MAP3K7CL: variants seen among roughly 807,000 people sequenced by gnomAD.
The protein encoded by MAP3K7CL is MAP3K7 C-terminal-like protein.
MAP3K7CL carries 16 observed loss-of-function variants against 18.6 expected under a neutral mutation model. That is an observed-to-expected ratio of 0.86 (90% CI 0.58 to 1.31). MAP3K7CL has a LOEUF of 1.31. Ranked by LOEUF, MAP3K7CL falls within the 50% of genes most tolerant of loss-of-function variation. The pLI is 0.00. For synonymous variants in MAP3K7CL, 65 were observed against 66.8 expected (o/e 0.97, Z 0.13); for missense variants, 163 against 174.4 (o/e 0.93, Z 0.37).
chr21:29,129,919 C>G (rs1195589183), upstream of MAP3K7CL, among the ~76,000 whole-genome samples: 2 of 152,144 alleles, frequency 1.3e-5, no homozygotes, highest in Non-Finnish European at 2.9e-5. Flanking sequence ...TGTTGATCAT[C>G]TTTTCATATG....
chr21:29,143,273 G>A (rs576986283), intron 2 of MAP3K7CL, among the ~76,000 whole-genome samples: 5 of 152,170 alleles, frequency 3.3e-5, no homozygotes, highest in South Asian at 2.1e-4. Flanking sequence ...GAAGCCAGCT[G>A]TAACTGCAGG....
At chr21:29,109,182 A>T in intron 4 of MAP3K7CL, 2 of 1,535,412 alleles carry the variant, frequency 1.3e-6, no homozygotes, top group Non-Finnish European at 1.7e-6. Flanking sequence ...TGCGGACTGC[A>T]GGTATGGACA....
chr21:29,109,076 A>G (rs2086374142), intron 4 of MAP3K7CL: 2 of 1,535,182 alleles, frequency 1.3e-6, no homozygotes, highest in Admixed American at 3.9e-5. Context: ...CTATCAGAGA[A>G]ACCTTGTTCA....
intron 4 of MAP3K7CL, 28 bp downstream of exon 4, chr21:29,160,084 T>C (rs376139712): frequency 3.2e-6 from 5 of 1,568,708 alleles, no homozygotes; most frequent in Non-Finnish European, 4.4e-6. Context: ...TCACTCTACA[T>C]CTGAGCACTG....
At chr21:29,141,462 G>A (rs1348976670) in intron 2 of MAP3K7CL, among the ~76,000 whole-genome samples, 4 of 151,242 alleles carry the variant, frequency 2.6e-5, no homozygotes. Context: ...GCAGAGAGCC[G>A]AGATTGAGTC....
chr21:29,155,546 C>A (rs2087381559), intron 3 of MAP3K7CL, among the ~76,000 whole-genome samples: 1 of 152,100 alleles, frequency 6.6e-6, no homozygotes, highest in South Asian at 2.1e-4. Context: ...CCGGCAAGCT[C>A]AGGCAGAGAG....
At chr21:29,089,794 G>GAGGA (rs201860654) in intron 1 of MAP3K7CL, among the ~76,000 whole-genome samples, 24 of 150,306 alleles carry the variant, frequency 1.6e-4, no homozygotes, top group South Asian at 6.4e-4. Flanking sequence ...CAAGAAAAAA[G>GAGGA]AGGAAGGAAG....
rs572827218 is a variant in MAP3K7CL, at chr21:29,139,072, T to C, written c.70+5658T>C. ...TTTTGGTACTCCGGAACCCATACCA[T>C]TGGTGTCACTTTTAAATAATACAGT... On this transcript the variant is annotated intron_variant, in intron 2 of 4. Transcript: ENST00000399928. 5.3e-5 allele frequency among the ~76,000 whole-genome samples: 8 copies of C among 152,206 alleles called. No individual in the cohort carries two copies. The South Asian group carries it at 1.4e-3, about 28-fold the overall frequency.
In MAP3K7CL at chr21:29,108,990, G is replaced by A. The variant is rs757791296; in HGVS notation, c.370+16409G>A. On this transcript the variant is annotated intron_variant, in intron 4 of 6. Transcript: ENST00000286791. Reference sequence around the variant, plus strand: ...TCAACTTGAATCTGAATTCAATGTCGGCTGGACCCAAATAATTTTCTAGAA... The same window carrying A: ...TCAACTTGAATCTGAATTCAATGTCAGCTGGACCCAAATAATTTTCTAGAA... 664 of 1,442,670 alleles carry A rather than the reference G, an allele frequency of 4.6e-4. 1 individual carries two copies. Among genetic ancestry groups the A allele is most frequent in the Non-Finnish European group, 5.4e-4 (587 of 1,080,236 alleles). 89.4% of individuals were successfully genotyped at this position (1,442,670 alleles called of 1,614,324 possible).
At chr21:29,116,161 C>T (rs2086501932) in intron 4 of MAP3K7CL, among the ~76,000 whole-genome samples, 3 of 152,052 alleles carry the variant, frequency 2.0e-5, no homozygotes, top group South Asian at 2.1e-4. Flanking sequence ...TGTTTTTATT[C>T]GTTATTTCTA....
intron 4 of MAP3K7CL, among the ~76,000 whole-genome samples, chr21:29,162,381 T>TTAAAAAAAA (rs1466529389): frequency 1.8e-4 from 28 of 151,690 alleles, no homozygotes; most frequent in African/African-American, 6.5e-4. Flanking sequence ...TTATGTTGCA[T>TTAAAAAAAA]TAAAAAAAAT....
At chr21:29,157,935 T>G (rs1371806763) in intron 3 of MAP3K7CL, among the ~76,000 whole-genome samples, 1 of 152,260 alleles carries the variant, frequency 6.6e-6, no homozygotes, top group Admixed American at 6.5e-5. Context: ...GAATCCTTTA[T>G]GTAGAGTTCT....
upstream of MAP3K7CL, among the ~76,000 whole-genome samples, chr21:29,083,990 TAC>T (rs2085882271): frequency 2.0e-5 from 3 of 147,824 alleles, no homozygotes; most frequent in African/African-American, 7.4e-5. Context: ...AACATATGTA[TAC>T]ACACATGTAT....
At chr21:29,148,573 C>G (rs754469921) in intron 2 of MAP3K7CL, among the ~76,000 whole-genome samples, 1 of 152,188 alleles carries the variant, frequency 6.6e-6, no homozygotes. Flanking sequence ...ACTCTCTGGG[C>G]TCTGGCGCTC....
intron 4 of MAP3K7CL, among the ~76,000 whole-genome samples, chr21:29,099,261 A>ATATT (rs2086177774): frequency 2.4e-5 from 2 of 83,028 alleles, no homozygotes; most frequent in African/African-American, 1.1e-4. Flanking sequence ...CAGCTAATTG[A>ATATT]TTTTTTTTTT....
chr21:29,165,940 A>C (rs2087675970), intron 4 of MAP3K7CL, among the ~76,000 whole-genome samples: 1 of 152,246 alleles, frequency 6.6e-6, no homozygotes. Flanking sequence ...ACATGGACAC[A>C]TTGTGTAATG....
chr21:29,079,788 G>T (rs2085806407), intron 1 of MAP3K7CL, among the ~76,000 whole-genome samples: 1 of 152,184 alleles, frequency 6.6e-6, no homozygotes, highest in South Asian at 2.1e-4. Context: ...AGGCTGTACT[G>T]GAGTGAGTAG....
intron 4 of MAP3K7CL, among the ~76,000 whole-genome samples, chr21:29,110,886 T>C (rs1488524045): frequency 1.3e-5 from 2 of 152,216 alleles, no homozygotes; most frequent in Admixed American, 1.3e-4. Flanking sequence ...TCTGAACGTA[T>C]ATATTTTAAA....
At chr21:29,149,957 C>G (rs1265438309) in intron 3 of MAP3K7CL, among the ~76,000 whole-genome samples, 2 of 152,196 alleles carry the variant, frequency 1.3e-5, no homozygotes, top group Non-Finnish European at 2.9e-5. Flanking sequence ...CACTTGAATA[C>G]TTAACTTTGT....
Sources: gnomAD v4.1 joint callset for allele counts (sites outside exome capture counted in the v4.1 genomes callset) on GRCh38, gnomAD v4.1.1 for gene constraint, MANE v1.5 for transcripts, NCBI Gene and HGNC (gene_info 2026-07-23, HGNC 2026-07-21) for gene names.